Variants in TULP4 observed in about 807,000 individuals in gnomAD.
TULP4 encodes tubby-related protein 4.
TULP4 carries 16 observed loss-of-function variants against 129.0 expected under a neutral mutation model. The ratio of observed to expected loss-of-function variants is 0.12; its 90% CI spans 0.08 to 0.19. The LOEUF is 0.19. Ranked by LOEUF, TULP4 falls within the 10% of genes least tolerant of loss-of-function variation. The probability of loss-of-function intolerance (pLI) is 1.00; values close to 1 mark genes in which losing one functional copy is unlikely to be tolerated. For synonymous variants in TULP4, 998 were observed against 854.0 expected (o/e 1.17, Z -2.94); for missense variants, 1,842 against 2,059.1 (o/e 0.89, Z 2.04).
intron 1 of TULP4, among the ~76,000 whole-genome samples, chr6:158,317,624 CAT>C (rs1450285247): frequency 2.6e-5 from 4 of 152,170 alleles, no homozygotes; most frequent in Non-Finnish European, 5.9e-5. Flanking sequence ...CCGCAATAAA[CAT>C]ATGTGTGCAT....
At chr6:158,416,255 AACACCCTC>A (rs940990508) in intron 2 of TULP4, among the ~76,000 whole-genome samples, 2 of 152,122 alleles carry the variant, frequency 1.3e-5, no homozygotes, top group Non-Finnish European at 2.9e-5. Flanking sequence ...CTCCTTTGGC[AACACCCTC>A]ACAGACACAC....
chr6:158,239,019 C>G lies in TULP4; in HGVS notation n.68+6716C>G, dbSNP rs1446120668. ...GTAGGGGTGGCCGGGCAGAGGCGCC[C>G]CTCACCTCCCGGACGAGGCGGCTGG... On this transcript the variant is annotated intron_variant and non_coding_transcript_variant, in intron 1 of 1. Transcript: ENST00000620026. 2.0e-3 allele frequency among the ~76,000 whole-genome samples: 284 copies of G among 141,036 alleles called. 1 individual carries two copies. The highest frequency in any genetic ancestry group is 6.3e-3 in the African/African-American group (252 of 39,756). The allele number at this position is 141,036 out of a possible 152,430, so 92.5% of individuals were successfully genotyped here. A position where few individuals can be genotyped will look rare whatever the true frequency, so the allele number is the denominator to read the frequency against.
At chr6:158,276,896 A>G (rs1426201439) in intron 1 of TULP4, among the ~76,000 whole-genome samples, 4 of 152,140 alleles carry the variant, frequency 2.6e-5, no homozygotes, top group Non-Finnish European at 5.9e-5. Flanking sequence ...TTGTTTGCCA[A>G]GACCTCTGCT....
chr6:158,480,397 C>G (rs145882675), intron 7 of TULP4, among the ~76,000 whole-genome samples: 1 of 152,262 alleles, frequency 6.6e-6, no homozygotes, highest in Non-Finnish European at 1.5e-5. Context: ...TGCTCCCTAG[C>G]TGGTTAGGGG....
chr6:158,319,417 C>CTTTCTTAG (rs112784618), intron 1 of TULP4, among the ~76,000 whole-genome samples: 1 of 151,498 alleles, frequency 6.6e-6, no homozygotes, highest in Non-Finnish European at 1.5e-5. Context: ...CATCTCTGCC[C>CTTTCTTAG]TTACCTTATC....
At chr6:158,241,403 G>T (rs1354269419) in intron 1 of TULP4, among the ~76,000 whole-genome samples, 53 of 140,564 alleles carry the variant, frequency 3.8e-4, no homozygotes, top group African/African-American at 1.2e-3. Flanking sequence ...CGGCTGGGAG[G>T]TGTAGGTTGT....
At chr6:158,506,108 T>C (rs540413443) in intron 13 of TULP4, among the ~76,000 whole-genome samples, 72 of 152,008 alleles carry the variant, frequency 4.7e-4, no homozygotes, top group African/African-American at 1.6e-3. Context: ...GAGTTAGATA[T>C]AGAAGCTTCA....
intron 1 of TULP4, among the ~76,000 whole-genome samples, chr6:158,364,865 T>G (rs12202195): frequency 0.027 from 4,152 of 152,048 alleles, 61 homozygotes; most frequent in African/African-American, 0.043. Flanking sequence ...GCCTTCCGAG[T>G]TGTGGGACTA....
chr6:158,236,271 A>G (rs1328497546), intron 1 of TULP4, among the ~76,000 whole-genome samples: 3 of 152,250 alleles, frequency 2.0e-5, no homozygotes, highest in Admixed American at 6.5e-5. Context: ...TGTTATTTTC[A>G]GTGTCTGTAT....
chr6:158,232,499 G>C (rs1777614933), intron 1 of TULP4, among the ~76,000 whole-genome samples: 1 of 151,294 alleles, frequency 6.6e-6, no homozygotes, highest in Admixed American at 6.6e-5. Flanking sequence ...GGCGCAAGGG[G>C]GCGTCTGACC....
chr6:158,427,212 TAGTC>T (rs1181713927), intron 2 of TULP4, among the ~76,000 whole-genome samples: 1 of 152,272 alleles, frequency 6.6e-6, no homozygotes, highest in Non-Finnish European at 1.5e-5. Flanking sequence ...TGAGTAAAAG[TAGTC>T]AGACAGAGAA....
At position 158,340,086 on chromosome 6, in the gene TULP4, T is replaced by C. The variant is rs1250443777; in HGVS notation, c.252+25818T>C. Among the ~76,000 whole-genome samples the C allele has an allele frequency of 2.0e-5, 3 of 152,188 alleles. No homozygotes were observed. The East Asian group carries it at 5.8e-4, about 29-fold the overall frequency. On this transcript the variant is annotated intron_variant, in intron 1 of 13. Coordinates refer to ENST00000367097, the MANE Select transcript of TULP4 (RefSeq NM_020245.5). The stretch of plus-strand genomic sequence containing the variant: ...GTGAGCTTAGTTGATGTGGATCTGC[T>C]CGTGCAAGGTGAGTTGACCTTACTG...
chr6:158,432,507 A>T (rs1170186497), intron 3 of TULP4, among the ~76,000 whole-genome samples: 2 of 152,166 alleles, frequency 1.3e-5, no homozygotes, highest in Non-Finnish European at 2.9e-5. Flanking sequence ...TCTTCCTCAC[A>T]TCTTGAGCTA....
intron 1 of TULP4, among the ~76,000 whole-genome samples, chr6:158,297,436 C>A (rs529337230): frequency 6.6e-6 from 1 of 152,110 alleles, no homozygotes; most frequent in East Asian, 1.9e-4. Flanking sequence ...CACAGGGTCC[C>A]GAGGTGATGT....
intron 1 of TULP4, chr6:158,242,396 A>G: frequency 2.7e-6 from 4 of 1,457,176 alleles, no homozygotes; most frequent in Non-Finnish European, 3.8e-6. Context: ...TCTCCTCATC[A>G]TAAGCATCGT....
intron 1 of TULP4, among the ~76,000 whole-genome samples, chr6:158,365,808 A>G (rs1207115495): frequency 7.1e-6 from 1 of 140,890 alleles, no homozygotes; most frequent in Non-Finnish European, 1.6e-5. Context: ...GTTGTTTTCA[A>G]TTTGCCATGT....
chr6:158,494,541 C>T (rs1780284319), intron 10 of TULP4, among the ~76,000 whole-genome samples: 1 of 152,106 alleles, frequency 6.6e-6, no homozygotes, highest in Non-Finnish European at 1.5e-5. Context: ...CCCCACCTTT[C>T]CCCCAGCTCG....
chr6:158,320,980 G>C (rs1283552310), intron 1 of TULP4, among the ~76,000 whole-genome samples: 1 of 152,090 alleles, frequency 6.6e-6, no homozygotes, highest in Non-Finnish European at 1.5e-5. Context: ...CTTATTGGAA[G>C]ATCAATGTAC....
Position 158,502,109 on chromosome 6 carries a change from G to T in TULP4, c.2446G>T (p.Asp816Tyr). 6.2e-7 allele frequency: 1 copy of T among 1,610,442 alleles called. No individual in the cohort carries two copies. The highest frequency in any genetic ancestry group is 8.5e-7 in the Non-Finnish European group (1 of 1,178,164). The change falls in exon 13 of 14, where the codon GAC becomes TAC. Residue 816 changes from aspartate (D) to tyrosine (Y), a missense_variant. Asp to Tyr is a radical substitution (Grantham distance 160). This residue lies in a region of TULP4 where 1,089 missense variants were observed against 987.1 expected (regional missense o/e 1.10). Coordinates refer to ENST00000367097, the MANE Select transcript of TULP4 (RefSeq NM_020245.5). The stretch of plus-strand genomic sequence containing the variant: ...AACACCGCAGCTGGCAGCTGAGGGG[G>T]ACGCAGTGGTCTTTAGTGCCCCCCA... ...RPTPQLAAEG[D>Y]AVVFSAPQEV...
Sources: allele counts gnomAD v4.1 joint callset (sites outside exome capture counted in the v4.1 genomes callset), GRCh38; gene constraint gnomAD v4.1.1; regional missense constraint gnomAD v4.1.1; transcripts MANE v1.5; gene names NCBI Gene and HGNC (gene_info 2026-07-23, HGNC 2026-07-21).